The following SH3RF3 variants were observed in gnomAD, a reference collection of about 807,000 sequenced individuals.
SH3RF3 encodes SH3 domain containing ring finger 3, also known as E3 ubiquitin-protein ligase SH3RF3.
A neutral mutation model predicts 66.3 loss-of-function variants in SH3RF3; 29 were observed. The ratio of observed to expected loss-of-function variants is 0.44; its 90% CI spans 0.33 to 0.60. The LOEUF is 0.60. Ranked by LOEUF, SH3RF3 falls within the 20% of genes least tolerant of loss-of-function variation. SH3RF3 has a pLI of 0.04. For missense variants in SH3RF3, 1,194 were observed against 1,190.9 expected (o/e 1.00, Z -0.04); for synonymous variants, 583 against 532.0 (o/e 1.10, Z -1.32).
intron 1 of SH3RF3, among the ~76,000 whole-genome samples, chr2:109,336,140 TAAAG>T (rs980903610): frequency 2.0e-5 from 3 of 152,274 alleles, no homozygotes; most frequent in South Asian, 2.1e-4. Flanking sequence ...TTTAATATCT[TAAAG>T]AAAGTCAAAA....
chr2:109,379,484 C>T (rs574064388), intron 3 of SH3RF3, among the ~76,000 whole-genome samples: 64 of 152,270 alleles, frequency 4.2e-4, no homozygotes, highest in African/African-American at 1.4e-3. Context: ...CAGATGTGGC[C>T]GCTGCTTCTA....
chr2:109,499,881 G>C (rs756727533), intron 9 of SH3RF3, among the ~76,000 whole-genome samples: 3 of 152,210 alleles, frequency 2.0e-5, no homozygotes, highest in African/African-American at 7.2e-5. Context: ...ATAGGGTCCA[G>C]GCTGAGCTGA....
chr2:109,180,552 AG>A (rs1678051239), intron 1 of SH3RF3, among the ~76,000 whole-genome samples: 2 of 152,128 alleles, frequency 1.3e-5, no homozygotes, highest in African/African-American at 4.8e-5. Context: ...ACCCAGTGGG[AG>A]ATAATTGAAT....
chr2:109,275,097 G>A (rs1680723556), intron 1 of SH3RF3, among the ~76,000 whole-genome samples: 1 of 152,140 alleles, frequency 6.6e-6, no homozygotes, highest in Non-Finnish European at 1.5e-5. Context: ...TAAAAAAAAA[G>A]AAAATGTGTT....
intron 3 of SH3RF3, among the ~76,000 whole-genome samples, chr2:109,395,992 A>C (rs1676133004): frequency 6.6e-6 from 1 of 152,232 alleles, no homozygotes; most frequent in African/African-American, 2.4e-5. Flanking sequence ...CCTCAGCATT[A>C]TTGCTGCCAT....
chr2:109,171,043 T>C (rs1677768912), intron 1 of SH3RF3, among the ~76,000 whole-genome samples: 1 of 151,956 alleles, frequency 6.6e-6, no homozygotes, highest in Non-Finnish European at 1.5e-5. Context: ...GCTGGGGGAG[T>C]CTGTGTCCTG....
intron 1 of SH3RF3, among the ~76,000 whole-genome samples, chr2:109,213,186 T>C (rs1453405274): frequency 6.6e-6 from 1 of 152,244 alleles, no homozygotes; most frequent in African/African-American, 2.4e-5. Context: ...TTGCTTATTC[T>C]CTTCCTTGGC....
At chr2:109,284,623 A>C (rs928411000) in intron 1 of SH3RF3, among the ~76,000 whole-genome samples, 4 of 152,358 alleles carry the variant, frequency 2.6e-5, no homozygotes, top group African/African-American at 9.6e-5. Flanking sequence ...CTAGAAGTGC[A>C]TGGGAGACCA....
At chr2:109,157,840 G>C (rs543479910) in intron 1 of SH3RF3, among the ~76,000 whole-genome samples, 15 of 152,146 alleles carry the variant, frequency 9.9e-5, no homozygotes, top group Non-Finnish European at 2.2e-4. Context: ...GCACTGCAAA[G>C]CATGTCCAGG....
At chr2:109,466,592 A>G (rs1418209605) in intron 8 of SH3RF3, among the ~76,000 whole-genome samples, 1 of 152,080 alleles carries the variant, frequency 6.6e-6, no homozygotes, top group East Asian at 1.9e-4. Flanking sequence ...CATGGAGCCC[A>G]ATTTATTAAC....
At chr2:109,278,387 G>A (rs1456373704) in intron 1 of SH3RF3, among the ~76,000 whole-genome samples, 1 of 152,172 alleles carries the variant, frequency 6.6e-6, no homozygotes, top group East Asian at 1.9e-4. Flanking sequence ...CAGTGGTGAT[G>A]ACACTTCTGA....
At chr2:109,229,301 A>G (rs868137583) in intron 1 of SH3RF3, among the ~76,000 whole-genome samples, 10 of 152,284 alleles carry the variant, frequency 6.6e-5, no homozygotes, top group Admixed American at 5.2e-4. Flanking sequence ...CCCACACCCC[A>G]CTTCCTCTGT....
At chr2:109,433,955 G>C (rs966216533) in intron 6 of SH3RF3, among the ~76,000 whole-genome samples, 2 of 152,258 alleles carry the variant, frequency 1.3e-5, no homozygotes, top group Non-Finnish European at 2.9e-5. Flanking sequence ...GCCTCCTGCG[G>C]CTTCTTCAGT....
At chr2:109,293,893 C>T (rs1681246326) in intron 1 of SH3RF3, among the ~76,000 whole-genome samples, 1 of 152,220 alleles carries the variant, frequency 6.6e-6, no homozygotes, top group Non-Finnish European at 1.5e-5. Flanking sequence ...CAGCCTGAGG[C>T]TTGTTGCCGA....
At chr2:109,220,338 G>A (rs1429331634) in intron 1 of SH3RF3, among the ~76,000 whole-genome samples, 2 of 152,124 alleles carry the variant, frequency 1.3e-5, no homozygotes, top group Non-Finnish European at 2.9e-5. Flanking sequence ...GAATACACAG[G>A]TAAAAACCTT....
At chr2:109,396,489 C>T (rs1300764648) in intron 3 of SH3RF3, among the ~76,000 whole-genome samples, 2 of 152,232 alleles carry the variant, frequency 1.3e-5, no homozygotes, top group Middle Eastern at 3.2e-3. Context: ...ATCTGCTCGG[C>T]CTGCACGGAG....
intron 1 of SH3RF3, among the ~76,000 whole-genome samples, chr2:109,189,517 C>A (rs1678289366): frequency 2.0e-5 from 3 of 152,026 alleles, no homozygotes; most frequent in Admixed American, 2.0e-4. Context: ...TACAGGCACA[C>A]ACCACCACGC....
intron 1 of SH3RF3, among the ~76,000 whole-genome samples, chr2:109,246,953 C>G (rs746841697): frequency 1.3e-5 from 2 of 152,172 alleles, no homozygotes; most frequent in Non-Finnish European, 2.9e-5. Flanking sequence ...GGAGGCGTTC[C>G]CAGAGCATGA....
chr2:109,200,453 G>A (rs919777673), intron 1 of SH3RF3, among the ~76,000 whole-genome samples: 8 of 152,116 alleles, frequency 5.3e-5, no homozygotes, highest in Admixed American at 1.3e-4. Flanking sequence ...CCCTGGGTAT[G>A]GCTGTGACCT....
Sources: gnomAD v4.1 joint callset for allele counts (sites outside exome capture counted in the v4.1 genomes callset) on GRCh38, gnomAD v4.1.1 for gene constraint, MANE v1.5 for transcripts, NCBI Gene and HGNC (gene_info 2026-07-23, HGNC 2026-07-21) for gene names.